CNTNAP3: variants seen among roughly 807,000 people sequenced by gnomAD.
CNTNAP3 encodes contactin-associated protein-like 3.
Under a neutral mutation model 92.1 loss-of-function variants are expected in CNTNAP3, and 36 were observed. The ratio of observed to expected loss-of-function variants is 0.39; its 90% confidence interval spans 0.30 to 0.52. CNTNAP3 has a LOEUF of 0.52. Among genes scored for constraint, CNTNAP3 ranks in the 20% least tolerant of loss-of-function variants. CNTNAP3 has a pLI of 0.76. For missense variants in CNTNAP3, 534 were observed against 1,069.6 expected, an observed-to-expected ratio of 0.50 and a Z score of 6.98; for synonymous variants, 232 against 422.3, an observed-to-expected ratio of 0.55 and a Z score of 5.53.
At chr9:39,120,410 C>G (rs1179189944) in intron 13 of CNTNAP3, among the ~76,000 whole-genome samples, 4 of 152,154 alleles carry the variant, frequency 2.6e-5, no homozygotes, top group African/African-American at 9.7e-5. Context: ...TGCGGTGGCT[C>G]ACGCCTGTAA....
intron 11 of CNTNAP3, among the ~76,000 whole-genome samples, chr9:39,141,781 G>C (rs189750699): frequency 6.6e-6 from 1 of 152,094 alleles, no homozygotes; most frequent in East Asian, 1.9e-4. Flanking sequence ...AAATATTGAG[G>C]AAAGTGACTA....
At chr9:39,112,747 T>C (rs1465992590) in intron 14 of CNTNAP3, among the ~76,000 whole-genome samples, 2 of 152,176 alleles carry the variant, frequency 1.3e-5, no homozygotes, top group African/African-American at 4.8e-5. Flanking sequence ...AAAAAATTTC[T>C]AGATTCTCAG....
intron 9 of CNTNAP3, chr9:39,159,341 G>T: frequency 7.6e-6 from 1 of 131,534 alleles, no homozygotes; most frequent in Non-Finnish European, 1.6e-5. Flanking sequence ...TATTCTCTTT[G>T]GTCATATATA....
intron 14 of CNTNAP3, among the ~76,000 whole-genome samples, chr9:39,115,920 TAATACTAACAGAAGG>T (rs1194527019): frequency 6.6e-6 from 1 of 150,754 alleles, no homozygotes. Flanking sequence ...AGTATGCACT[TAATACTAACAGAAGG>T]TTCTGTAACA....
In CNTNAP3 at chr9:39,068,277, A is replaced by C. The variant is rs899672198; in HGVS notation, c.*5613T>G. Among the ~76,000 whole-genome samples the C allele has an allele frequency of 2.0e-5, 3 of 149,414 alleles. No individual in the cohort carries two copies. The highest frequency in any genetic ancestry group is 7.4e-5 in the African/African-American group (3 of 40,350). ...AAAAAAAAAAAAAAATTAGCTGGGCATGTTGGCTTGTGCCTGTAGTCCCAG... is the reference window on the plus strand; with the variant it reads ...AAAAAAAAAAAAAAATTAGCTGGGCCTGTTGGCTTGTGCCTGTAGTCCCAG... On this transcript the variant is annotated 3_prime_UTR_variant, in exon 24 of 24. Coordinates refer to ENST00000297668, the MANE Select transcript of CNTNAP3 (RefSeq NM_033655.5).
intron 13 of CNTNAP3, among the ~76,000 whole-genome samples, chr9:39,127,457 AATAAT>A (rs1243267163): frequency 6.6e-6 from 1 of 152,156 alleles, no homozygotes; most frequent in Non-Finnish European, 1.5e-5. Flanking sequence ...TTGAAACAAA[AATAAT>A]AGAGAAAATC....
chr9:39,128,332 A>C (rs1450662979), intron 13 of CNTNAP3, among the ~76,000 whole-genome samples: 2 of 152,126 alleles, frequency 1.3e-5, no homozygotes, highest in Admixed American at 6.5e-5. Context: ...ATTTGAATGC[A>C]AAAATATTCA....
intron 21 of CNTNAP3, chr9:39,085,383 G>C (rs1369014895): frequency 4.1e-6 from 1 of 244,220 alleles, no homozygotes; most frequent in Non-Finnish European, 7.8e-6. Flanking sequence ...TTGAATGATG[G>C]TCTCCGGAGT....
intron 18 of CNTNAP3, among the ~76,000 whole-genome samples, chr9:39,096,577 T>C (rs1826330546): frequency 6.6e-6 from 1 of 150,892 alleles, no homozygotes; most frequent in Non-Finnish European, 1.5e-5. Context: ...TCCACTCTTC[T>C]AGTTATTTTG....
chr9:39,146,458 C>T (rs930991675), intron 10 of CNTNAP3, among the ~76,000 whole-genome samples: 1 of 152,216 alleles, frequency 6.6e-6, no homozygotes. Context: ...GGGAAGCTGA[C>T]GCGGGTGGAT....
chr9:39,088,093 G>A (rs1387194701), intron 19 of CNTNAP3, among the ~76,000 whole-genome samples: 1 of 152,028 alleles, frequency 6.6e-6, no homozygotes, highest in Non-Finnish European at 1.5e-5. Flanking sequence ...TGTATGTCAT[G>A]TATCTAGATA....
At chr9:39,140,767 G>C in intron 11 of CNTNAP3, 129 bp from the exon 12 acceptor site, 1 of 1,308,334 alleles carries the variant, frequency 7.6e-7, no homozygotes, top group Non-Finnish European at 9.9e-7. Flanking sequence ...GATAGTGTAT[G>C]ACAGTATATT....
intron 12 of CNTNAP3, among the ~76,000 whole-genome samples, chr9:39,134,273 T>G (rs2118058224): frequency 6.6e-6 from 1 of 152,264 alleles, no homozygotes; most frequent in Non-Finnish European, 1.5e-5. Context: ...GAAAAAAATC[T>G]GCAAATTTAA....
rs568910092 is a variant in CNTNAP3, at chr9:39,101,432, C to A, written c.2755+1065G>T. Among the ~76,000 whole-genome samples, 160 of 149,008 alleles carry A rather than the reference C, an allele frequency of 1.1e-3. 1 individual carries two copies. The highest frequency in any genetic ancestry group is 3.5e-3 in the African/African-American group (144 of 40,620). On this transcript the variant is annotated intron_variant, in intron 17 of 23. Transcript: ENST00000297668. ...AGTGAGAGCTTTAATCTGTGTAGCT[C>A]CTAAGTTAGAATAGTTTCAAAAGCA...
chr9:39,137,798 G>A (rs938759065), intron 12 of CNTNAP3, among the ~76,000 whole-genome samples: 60 of 152,298 alleles, frequency 3.9e-4, no homozygotes, highest in African/African-American at 1.4e-3. Flanking sequence ...ACAGGCGTGA[G>A]CCACCGTCTG....
At chr9:39,101,556 G>T (rs1216112494) in intron 17 of CNTNAP3, among the ~76,000 whole-genome samples, 1 of 141,156 alleles carries the variant, frequency 7.1e-6, no homozygotes, top group East Asian at 2.3e-4. Context: ...TGCAAGAACA[G>T]ATGAGCCAGA....
rs1825518426 is a variant in CNTNAP3 at position 39,066,798 on chromosome 9, G to C, written c.*7092C>G. 6.6e-6 allele frequency among the ~76,000 whole-genome samples: 1 copy of C among 152,294 alleles called. No individual in the cohort carries two copies. Among genetic ancestry groups the C allele is most frequent in the Non-Finnish European group, 1.5e-5 (1 of 68,054 alleles). On this transcript the variant is annotated 3_prime_UTR_variant, in exon 24 of 24. Coordinates refer to ENST00000297668, the MANE Select transcript of CNTNAP3 (RefSeq NM_033655.5). Reference sequence around the variant, plus strand: ...TGTCTTTTTCTCTTTACCACACTGAGTTTTGATCCATTTGCTTATGATGTG... The same window carrying C: ...TGTCTTTTTCTCTTTACCACACTGACTTTTGATCCATTTGCTTATGATGTG...
At chr9:39,134,942 G>A (rs555869750) in intron 12 of CNTNAP3, among the ~76,000 whole-genome samples, 10 of 152,322 alleles carry the variant, frequency 6.6e-5, no homozygotes, top group East Asian at 5.8e-4. Flanking sequence ...CACATAGGCC[G>A]GTGGGCAGTA....
Position 39,133,187 on chromosome 9 carries a change from G to C in CNTNAP3, c.1877-52C>G, listed in dbSNP as rs1208937599. ...CATCACTGGACGGCAGAGGCCAGCA[G>C]CAAGAGGCAAAGCAGACCTGTCTTT... On this transcript the variant is annotated intron_variant, in intron 12 of 23. Transcript: ENST00000297668. 5 of 1,530,120 alleles carry C rather than the reference G, an allele frequency of 3.3e-6. No homozygotes were observed. The South Asian group carries it at 3.6e-5, about 11-fold the overall frequency. The allele number at this position is 1,530,120 out of a possible 1,614,324, so 94.8% of individuals were successfully genotyped here. A position where few individuals can be genotyped will look rare whatever the true frequency, so the allele number is the denominator to read the frequency against.
Sources: allele counts gnomAD v4.1 joint callset (sites outside exome capture counted in the v4.1 genomes callset), GRCh38; gene constraint gnomAD v4.1.1; transcripts MANE v1.5; gene names NCBI Gene and HGNC (gene_info 2026-07-23, HGNC 2026-07-21).